Variants in TACC3 observed in about 807,000 individuals in gnomAD.
TACC3 encodes transforming acidic coiled-coil containing protein 3.
TACC3 carries 52 observed loss-of-function variants against 86.0 expected under a neutral mutation model. The ratio of observed to expected loss-of-function variants is 0.60; its 90% CI spans 0.48 to 0.76. The LOEUF is 0.76. TACC3 is among the 30% of genes least tolerant of loss of function. The probability of loss-of-function intolerance (pLI) is 0.00; values close to 1 mark genes in which losing one functional copy is unlikely to be tolerated. For synonymous variants in TACC3, 512 were observed against 430.0 expected (o/e 1.19, Z -2.36); for missense variants, 1,120 against 1,070.4 (o/e 1.05, Z -0.65).
intron 13 of TACC3, chr4:1,741,616 G>A (rs7682402): frequency 0.77 from 116,527 of 152,302 alleles, 44,789 homozygotes; most frequent in East Asian, 0.86. Flanking sequence ...CGCCTCCTGT[G>A]GAGGAGCTGG....
At chr4:1,744,862 C>T (rs773017914) in intron 15 of TACC3, 30 bp downstream of exon 15, 24 of 1,612,644 alleles carry the variant, frequency 1.5e-5, no homozygotes, top group African/African-American at 4.0e-5. Context: ...CTCAAGGGGC[C>T]GTCTGGCAGC....
rs769342952 is a variant in TACC3, at chr4:1,740,009, GCCCGGGCCA to G, written c.2062+10_2062+18del. 8 of 1,612,890 alleles carry G rather than the reference GCCCGGGCCA, an allele frequency of 5.0e-6. No individual in the cohort carries two copies. The highest frequency in any genetic ancestry group is 5.9e-6 in the Non-Finnish European group (7 of 1,179,954). ...GTTGTGTACCAGGCCATGGGTGAGT[GCCCGGGCCA>G]CCGAGGCCACGTGCCTCCACGAGGG... On this transcript the variant is annotated splice_region_variant and intron_variant, in intron 12 of 15. Coordinates refer to ENST00000313288, the MANE Select transcript of TACC3 (RefSeq NM_006342.3).
Position 1,728,564 on chromosome 4 carries a change from A to G in TACC3, c.1162A>G (p.Ser388Gly). ...GGAGGTGGAGGAGGACGACGGTAGG[A>G]GCGGAGCAGGAGAGGACCCCCCCAT... ...PQEVEEDDGRSGAGEDPPMPA... is the reference protein window; with the variant it reads ...PQEVEEDDGRGGAGEDPPMPA... Residue 388 changes from serine (S) to glycine (G), a missense_variant, in exon 4 of 16, where the codon AGC becomes GGC. Transcript: ENST00000313288. The G allele has an allele frequency of 6.2e-7, 1 of 1,613,946 alleles. No individual in the cohort carries two copies. Among genetic ancestry groups the G allele is most frequent in the East Asian group, 2.2e-5 (1 of 44,882 alleles).
At position 1,727,931 on chromosome 4, in the gene TACC3, A is replaced by G. The variant is rs571531310; in HGVS notation, c.529A>G (p.Ser177Gly). The G allele has an allele frequency of 4.6e-5, 75 of 1,613,832 alleles. No homozygotes were observed. The highest frequency in any genetic ancestry group is 6.3e-5 in the Non-Finnish European group (74 of 1,180,036). The change falls in exon 4 of 16, where the codon AGC (serine) becomes GGC (glycine). Residue 177 changes from serine to glycine, a missense_variant. By Grantham distance (56) the Ser-to-Gly change is moderately conservative. Coordinates refer to ENST00000313288, the MANE Select transcript of TACC3 (RefSeq NM_006342.3). The part of the protein sequence containing the change: ...QMVSPGKVSG[S>G]PEQAVEENLS... ...GGTGTCTCCAGGAAAAGTGTCTGGC[A>G]GCCCTGAGCAAGCCGTGGAGGAAAA...
intron 13 of TACC3, 73 bp from the exon 14 acceptor site, chr4:1,744,445 T>A (rs368826896): frequency 3.2e-5 from 45 of 1,391,240 alleles, no homozygotes; most frequent in East Asian, 3.0e-4. Context: ...GATCTGCAGG[T>A]CCCCAGACAC....
intron 1 of TACC3, among the ~76,000 whole-genome samples, chr4:1,722,626 C>T (rs1176127430): frequency 6.6e-6 from 1 of 152,218 alleles, no homozygotes; most frequent in Admixed American, 6.5e-5. Context: ...TCCCCAGGTC[C>T]CCCTCCACCA....
chr4:1,731,574 T>A (rs928475824), intron 6 of TACC3, among the ~76,000 whole-genome samples: 5 of 152,174 alleles, frequency 3.3e-5, no homozygotes, highest in Admixed American at 6.5e-5. Context: ...TGCAGTGCGC[T>A]AATGAGATAC....
chr4:1,727,588 A>G, intron 3 of TACC3, 120 bp from the exon 4 acceptor site: 2 of 1,475,440 alleles, frequency 1.4e-6, no homozygotes, highest in Non-Finnish European at 1.8e-6. Flanking sequence ...AAGCCGTGCC[A>G]AGGGTGACTC....
At chr4:1,723,625 T>A (rs2108681609) in intron 2 of TACC3, 42 bp downstream of exon 2, 1 of 1,609,178 alleles carries the variant, frequency 6.2e-7, no homozygotes, top group Non-Finnish European at 8.5e-7. Flanking sequence ...CAGGTTGCCC[T>A]AGGGCCTGCT....
chr4:1,742,623 A>C (rs987631529), intron 13 of TACC3, among the ~76,000 whole-genome samples: 1 of 152,172 alleles, frequency 6.6e-6, no homozygotes, highest in Non-Finnish European at 1.5e-5. Context: ...TTACATGATG[A>C]AACTCCGTCT....
At chr4:1,742,681 C>G (rs1272599205) in intron 13 of TACC3, among the ~76,000 whole-genome samples, 1 of 152,064 alleles carries the variant, frequency 6.6e-6, no homozygotes, top group Non-Finnish European at 1.5e-5. Flanking sequence ...TGCCTGTAGT[C>G]CCAGCTACTC....
intron 6 of TACC3, among the ~76,000 whole-genome samples, chr4:1,733,526 G>T (rs1718105633): frequency 6.6e-6 from 1 of 151,948 alleles, no homozygotes. Flanking sequence ...TGGCATGGTG[G>T]CGTACACCTA....
intron 5 of TACC3, 77 bp from the exon 6 acceptor site, chr4:1,731,095 C>T: frequency 5.0e-6 from 8 of 1,599,456 alleles, no homozygotes; most frequent in South Asian, 1.1e-5. Context: ...TCTACTTCAA[C>T]AAGGTTGTGG....
chr4:1,727,817 G>A lies in TACC3; in HGVS notation c.415G>A (p.Gly139Ser). The part of the protein sequence containing the change: ...LGDASPAFGS[G>S]SSSESGPGAL... ...GGATGCAAGCCCAGCCTTTGGGAGT[G>A]GCAGCTCCAGCGAGTCTGGCCCAGG... Residue 139 changes from glycine to serine, a missense_variant, in exon 4 of 16, where the codon GGC becomes AGC. Gly to Ser is a moderately conservative substitution (Grantham distance 56, BLOSUM62 0). Coordinates refer to ENST00000313288, the MANE Select transcript of TACC3 (RefSeq NM_006342.3). 6.2e-7 allele frequency: 1 copy of A among 1,612,952 alleles called. No individual in the cohort carries two copies.
Position 1,740,913 on chromosome 4 carries a change from C to T in TACC3, c.2150C>T (p.Ser717Phe). 1 of 1,613,198 alleles carries T rather than the reference C, an allele frequency of 6.2e-7. No homozygotes were observed. The highest frequency in any genetic ancestry group is 8.5e-7 in the Non-Finnish European group (1 of 1,179,820). The change falls in exon 13 of 16, where the codon TCC (serine) becomes TTC (phenylalanine). Residue 717 changes from serine (S) to phenylalanine (F), a missense_variant. By Grantham distance (155) the Ser-to-Phe change is radical. Transcript: ENST00000313288. ...EKDQLTTDLN[S>F]MEKSFSDLFK... ...GACCAACTTACCACAGATCTGAACT[C>T]CATGGAGAAGTCCTTCTCCGACCTC...
rs1553831692 is a variant in TACC3, at chr4:1,743,559, A to AAAAAC, written c.2224-957_2224-953dup. Among the ~76,000 whole-genome samples, 94 of 150,504 alleles carry AAAAAC rather than the reference A, an allele frequency of 6.2e-4. 1 individual carries two copies. Among genetic ancestry groups the AAAAAC allele is most frequent in the Non-Finnish European group, 5.5e-4 (37 of 67,554 alleles). ...CAGAGTGAGTCTCCGTCTAAAAAAA[A>AAAAAC]AAAACAGAAACTAGAAAAGAACCAA... is the stretch of plus-strand genomic sequence containing the variant. On this transcript the variant is annotated intron_variant, in intron 13 of 15. Coordinates refer to ENST00000313288, the MANE Select transcript of TACC3 (RefSeq NM_006342.3).
chr4:1,743,951 C>CT (rs1474474452), intron 13 of TACC3, among the ~76,000 whole-genome samples: 1 of 152,172 alleles, frequency 6.6e-6, no homozygotes, highest in African/African-American at 2.4e-5. Context: ...GATGGCTGGG[C>CT]TGTGAGGCCG....
At chr4:1,743,254 CAA>C (rs60854843) in intron 13 of TACC3, among the ~76,000 whole-genome samples, 4 of 104,620 alleles carry the variant, frequency 3.8e-5, no homozygotes, top group Non-Finnish European at 3.8e-5. Flanking sequence ...GACTCCGTCT[CAA>C]AAAAAAAAAA....
At position 1,734,564 on chromosome 4, in the gene TACC3, G is replaced by C. The variant is rs1170584568; in HGVS notation, c.1592-709G>C. Among the ~76,000 whole-genome samples the C allele has an allele frequency of 2.0e-5, 3 of 152,186 alleles. No homozygotes were observed. In the East Asian group the frequency reaches 5.8e-4, roughly 29 times the overall value. ...AGTCAGGAGTTCAAGACCAGCCCTG[G>C]CAACGTAGCAAGACTCCTCCTCTAC... On this transcript the variant is annotated intron_variant, in intron 6 of 15. Coordinates refer to ENST00000313288, the MANE Select transcript of TACC3 (RefSeq NM_006342.3).
Sources: gnomAD v4.1 joint callset for allele counts (sites outside exome capture counted in the v4.1 genomes callset) on GRCh38, gnomAD v4.1.1 for gene constraint, MANE v1.5 for transcripts, NCBI Gene and HGNC (gene_info 2026-07-23, HGNC 2026-07-21) for gene names.